TMTC2: variants seen among roughly 807,000 people sequenced by gnomAD.
TMTC2 encodes the protein protein O-mannosyl-transferase TMTC2.
TMTC2 carries 43 observed loss-of-function variants against 82.4 expected under a neutral mutation model. The ratio of observed to expected loss-of-function variants is 0.52; its 90% CI spans 0.41 to 0.67. The LOEUF is 0.67. TMTC2 is among the 30% of genes least tolerant of loss of function. TMTC2 has a pLI of 0.00. For missense variants in TMTC2, 919 were observed against 1,012.4 expected (o/e 0.91, Z 1.25); for synonymous variants, 408 against 381.9 (o/e 1.07, Z -0.80).
At chr12:82,794,378 G>T (rs1475042594) in intron 1 of TMTC2, among the ~76,000 whole-genome samples, 4 of 152,152 alleles carry the variant, frequency 2.6e-5, no homozygotes, top group Non-Finnish European at 4.4e-5. Context: ...AAGGGCCTGT[G>T]TTGGGGGGAA....
chr12:82,829,323 C>T (rs1302823545), intron 1 of TMTC2, among the ~76,000 whole-genome samples: 4 of 152,122 alleles, frequency 2.6e-5, no homozygotes, highest in Non-Finnish European at 5.9e-5. Context: ...GAAGAGGATT[C>T]GAAATCAGTT....
chr12:83,019,147 T>C (rs2137400165), intron 8 of TMTC2, among the ~76,000 whole-genome samples: 1 of 25,148 alleles, frequency 4.0e-5, no homozygotes, highest in South Asian at 6.8e-3. Context: ...TCTTCTAATT[T>C]TAAACTAAAC....
chr12:83,088,663 G>T (rs1320917875), intron 11 of TMTC2, among the ~76,000 whole-genome samples: 3 of 152,164 alleles, frequency 2.0e-5, no homozygotes, highest in South Asian at 4.1e-4. Flanking sequence ...AACATTTATG[G>T]AATATATTTA....
At chr12:82,852,608 G>T (rs1387767489) in intron 1 of TMTC2, among the ~76,000 whole-genome samples, 1 of 152,140 alleles carries the variant, frequency 6.6e-6, no homozygotes, top group African/African-American at 2.4e-5. Flanking sequence ...ATATCAGCAT[G>T]AAATTTTGTT....
chr12:82,756,253 ATTC>A (rs1439596595), intron 1 of TMTC2, among the ~76,000 whole-genome samples: 2 of 152,200 alleles, frequency 1.3e-5, no homozygotes, highest in Non-Finnish European at 2.9e-5. Context: ...TTGTCTCACA[ATTC>A]TTCTCCTATC....
At chr12:82,993,817 AAGAC>A (rs1288851252) in intron 8 of TMTC2, among the ~76,000 whole-genome samples, 1 of 152,130 alleles carries the variant, frequency 6.6e-6, no homozygotes, top group Non-Finnish European at 1.5e-5. Flanking sequence ...TGAGTGTAGA[AAGAC>A]AGATTTATTT....
At chr12:83,038,662 A>G (rs1881766429) in intron 9 of TMTC2, among the ~76,000 whole-genome samples, 1 of 152,124 alleles carries the variant, frequency 6.6e-6, no homozygotes, top group Admixed American at 6.6e-5. Context: ...ACAACTGCCT[A>G]TGTTATTATG....
chr12:82,947,702 C>T (rs1027073236), intron 4 of TMTC2, among the ~76,000 whole-genome samples: 8 of 152,176 alleles, frequency 5.3e-5, no homozygotes, highest in Admixed American at 1.3e-4. Context: ...ATTTCTTACG[C>T]CCTGTTTTTT....
chr12:82,748,112 C>T (rs1454430771), intron 1 of TMTC2, among the ~76,000 whole-genome samples: 2 of 151,820 alleles, frequency 1.3e-5, no homozygotes, highest in Non-Finnish European at 2.9e-5. Flanking sequence ...AGATTGAGAC[C>T]ATCCTGGCTA....
chr12:83,008,217 T>G (rs1880291649), intron 8 of TMTC2, among the ~76,000 whole-genome samples: 1 of 152,214 alleles, frequency 6.6e-6, no homozygotes, highest in Admixed American at 6.5e-5. Context: ...CCTTTGAGTT[T>G]TTTGAATCTC....
At chr12:82,820,960 G>A (rs1869065976) in intron 1 of TMTC2, among the ~76,000 whole-genome samples, 1 of 152,074 alleles carries the variant, frequency 6.6e-6, no homozygotes, top group South Asian at 2.1e-4. Flanking sequence ...CTAGGCTCAA[G>A]CGATCTTCCT....
chr12:82,748,314 A>G (rs1437069856), intron 1 of TMTC2, among the ~76,000 whole-genome samples: 3 of 150,942 alleles, frequency 2.0e-5, no homozygotes, highest in African/African-American at 4.9e-5. Context: ...GTCTCAAAGA[A>G]AAAAAAAAAG....
At chr12:82,812,400 A>T (rs116790887) in intron 1 of TMTC2, among the ~76,000 whole-genome samples, 1 of 152,094 alleles carries the variant, frequency 6.6e-6, no homozygotes, top group Non-Finnish European at 1.5e-5. Flanking sequence ...TAATGGCCCA[A>T]CTGGAAATCT....
chr12:82,733,399 C>CT (rs1874932024), intron 1 of TMTC2, among the ~76,000 whole-genome samples: 1 of 152,154 alleles, frequency 6.6e-6, no homozygotes, highest in Non-Finnish European at 1.5e-5. Flanking sequence ...ACACTAGCTC[C>CT]TTTTTCTTGC....
At chr12:83,009,797 A>T (rs765259525) in intron 8 of TMTC2, among the ~76,000 whole-genome samples, 4 of 152,162 alleles carry the variant, frequency 2.6e-5, no homozygotes, top group African/African-American at 4.8e-5. Context: ...CAATGTTTCC[A>T]TGGACTGGGT....
chr12:82,999,989 A>G (rs143013725), intron 8 of TMTC2, among the ~76,000 whole-genome samples: 37 of 152,320 alleles, frequency 2.4e-4, no homozygotes, highest in African/African-American at 8.2e-4. Flanking sequence ...CCTTCCACCT[A>G]TGAGCCTTTA....
chr12:83,122,041 G>A (rs577009524), intron 11 of TMTC2, among the ~76,000 whole-genome samples: 1 of 149,764 alleles, frequency 6.7e-6, no homozygotes, highest in African/African-American at 2.4e-5. Context: ...CAGGCAGTGG[G>A]CCAGCAGGCC....
At chr12:82,691,763 G>T (rs1477864086) in intron 1 of TMTC2, among the ~76,000 whole-genome samples, 1 of 152,044 alleles carries the variant, frequency 6.6e-6, no homozygotes, top group Non-Finnish European at 1.5e-5. Flanking sequence ...CTGAAGGCAG[G>T]CCTGGTATTT....
intron 1 of TMTC2, among the ~76,000 whole-genome samples, chr12:82,808,335 TAGAC>T (rs66483440): frequency 0.13 from 20,439 of 151,950 alleles, 1,630 homozygotes; most frequent in African/African-American, 0.21. Flanking sequence ...GCTTAAAAAA[TAGAC>T]AGTATAATTT....
Sources: allele counts gnomAD v4.1 joint callset (sites outside exome capture counted in the v4.1 genomes callset), GRCh38; gene constraint gnomAD v4.1.1; transcripts MANE v1.5; gene names NCBI Gene and HGNC (gene_info 2026-07-23, HGNC 2026-07-21).